SCML4: variants seen among roughly 807,000 people sequenced by gnomAD.
The protein encoded by SCML4 is sex comb on midleg-like protein 4.
A neutral mutation model predicts 41.1 loss-of-function variants in SCML4; 34 were observed. The observed-to-expected ratio is 0.83, with a 90% CI of 0.63 to 1.10. The LOEUF (loss-of-function observed/expected upper bound fraction) is 1.10. Among genes scored for constraint, SCML4 ranks in the 50% least tolerant of loss-of-function variants. SCML4 has a pLI of 0.00. For missense variants in SCML4, 522 were observed against 534.1 expected, an observed-to-expected ratio of 0.98 and a Z score of 0.22; for synonymous variants, 214 against 220.9, an observed-to-expected ratio of 0.97 and a Z score of 0.28.
intron 2 of SCML4, among the ~76,000 whole-genome samples, chr6:107,753,794 C>A (rs986267072): frequency 9.2e-5 from 14 of 152,048 alleles, no homozygotes; most frequent in African/African-American, 3.4e-4. Context: ...CATGAAAGGG[C>A]TTTGAGTAGG....
At chr6:107,756,240 T>C (rs931102384) in intron 2 of SCML4, among the ~76,000 whole-genome samples, 1 of 152,150 alleles carries the variant, frequency 6.6e-6, no homozygotes, top group Non-Finnish European at 1.5e-5. Flanking sequence ...TGGAGAAACC[T>C]GATAAATAAG....
intron 1 of SCML4, 42 bp from the exon 2 acceptor site, chr6:107,772,428 G>T: frequency 8.9e-7 from 1 of 1,127,866 alleles, no homozygotes; most frequent in Non-Finnish European, 1.2e-6. Context: ...AAAACAGAAG[G>T]GTTTGTTTGG....
chr6:107,717,143 CAAAAAAAAAAAAAAAAAA>C (rs546258538), intron 6 of SCML4, among the ~76,000 whole-genome samples: 1 of 63,536 alleles, frequency 1.6e-5, no homozygotes, highest in East Asian at 6.3e-4. Context: ...ACTAAAAATA[CAAAAAAAAAAAAAAAAAA>C]AAAAAAAAAA....
At chr6:107,831,839 G>T in the SCML4 span, among the ~76,000 whole-genome samples, 1 of 152,146 alleles carries the variant, frequency 6.6e-6, no homozygotes, top group East Asian at 1.9e-4. Flanking sequence ...GGATCACAAG[G>T]TCAGGAGATC....
intron 1 of SCML4, among the ~76,000 whole-genome samples, chr6:107,816,187 GC>G (rs1784541735): frequency 6.6e-6 from 1 of 152,184 alleles, no homozygotes; most frequent in Non-Finnish European, 1.5e-5. Flanking sequence ...AGTAAAAGTA[GC>G]CCCTCCTGTA....
chr6:107,804,998 A>AC (rs1006472240), intron 1 of SCML4, among the ~76,000 whole-genome samples: 1 of 152,104 alleles, frequency 6.6e-6, no homozygotes. Flanking sequence ...TGGCAGCCAG[A>AC]CCCCAAATGA....
intron 1 of SCML4, among the ~76,000 whole-genome samples, chr6:107,819,167 C>G (rs1784769027): frequency 6.6e-6 from 1 of 152,162 alleles, no homozygotes; most frequent in South Asian, 2.1e-4. Flanking sequence ...GGAACAGGCT[C>G]CCTTCTCTTT....
chr6:107,708,405 CTAAGA>C (rs1472628553), intron 6 of SCML4, among the ~76,000 whole-genome samples: 2 of 152,124 alleles, frequency 1.3e-5, no homozygotes, highest in African/African-American at 4.8e-5. Context: ...GGCAAGTGTG[CTAAGA>C]TGAGTGCCCA....
chr6:107,815,736 T>C (rs1172594849), intron 1 of SCML4, among the ~76,000 whole-genome samples: 4 of 152,234 alleles, frequency 2.6e-5, no homozygotes, highest in East Asian at 1.9e-4. Context: ...ATTTCAGTTA[T>C]GACATTATAT....
chr6:107,737,802 A>T (rs1777219475), intron 5 of SCML4, among the ~76,000 whole-genome samples: 1 of 152,208 alleles, frequency 6.6e-6, no homozygotes, highest in African/African-American at 2.4e-5. Flanking sequence ...AATGTACATT[A>T]TTTGGGTGAT....
chr6:107,814,209 T>C (rs1320963191), intron 1 of SCML4, among the ~76,000 whole-genome samples: 1 of 152,200 alleles, frequency 6.6e-6, no homozygotes, highest in Non-Finnish European at 1.5e-5. Flanking sequence ...TTCTTACGTA[T>C]TGAACAAGGA....
chr6:107,739,254 A>C (rs1055331955), intron 5 of SCML4, among the ~76,000 whole-genome samples: 2 of 152,108 alleles, frequency 1.3e-5, no homozygotes, highest in Non-Finnish European at 2.9e-5. Context: ...CTTAGATTTA[A>C]TTCAATCTAC....
intron 1 of SCML4, among the ~76,000 whole-genome samples, chr6:107,773,092 T>G (rs920398794): frequency 6.6e-6 from 1 of 152,142 alleles, no homozygotes; most frequent in African/African-American, 2.4e-5. Context: ...TTGAACAACA[T>G]GATGTTGAAT....
intron 1 of SCML4, among the ~76,000 whole-genome samples, chr6:107,785,880 G>A (rs2114603955): frequency 6.6e-6 from 1 of 152,258 alleles, no homozygotes; most frequent in East Asian, 1.9e-4. Context: ...GCCAAGGGAG[G>A]GGCAGAGCCT....
At chr6:107,782,656 G>A (rs183626490) in intron 1 of SCML4, among the ~76,000 whole-genome samples, 1 of 152,196 alleles carries the variant, frequency 6.6e-6, no homozygotes, top group Admixed American at 6.5e-5. Flanking sequence ...GTCTGAGTTT[G>A]CCTGATGGCA....
chr6:107,711,747 C>T lies in SCML4; in HGVS notation c.974-3736G>A, dbSNP rs993502676. Among the ~76,000 whole-genome samples, 9 of 152,248 alleles carry T rather than the reference C, an allele frequency of 5.9e-5. 1 individual carries two copies. In the South Asian group the frequency reaches 1.2e-3, roughly 21 times the overall value. Reference sequence around the variant, plus strand: ...AAAGACAAGGCTCTGAACAATGAAGCGGCTTTCCTACAGAAGAATTCTAGT... The same window carrying T: ...AAAGACAAGGCTCTGAACAATGAAGTGGCTTTCCTACAGAAGAATTCTAGT... On this transcript the variant is annotated intron_variant, in intron 6 of 7. Coordinates refer to ENST00000369020, the MANE Select transcript of SCML4 (RefSeq NM_198081.5).
chr6:107,802,417 C>G (rs968777977), intron 1 of SCML4, among the ~76,000 whole-genome samples: 4 of 151,864 alleles, frequency 2.6e-5, no homozygotes. Flanking sequence ...ACAGCAAGTG[C>G]AAAAGTCCTG....
intron 1 of SCML4, among the ~76,000 whole-genome samples, chr6:107,817,404 G>A (rs570545964): frequency 3.0e-4 from 45 of 152,154 alleles, no homozygotes; most frequent in African/African-American, 1.1e-3. Flanking sequence ...ATCACCTAAC[G>A]TCAGGAGCTT....
chr6:107,761,440 T>TA (rs1779580881), intron 2 of SCML4, among the ~76,000 whole-genome samples: 1 of 60,250 alleles, frequency 1.7e-5, no homozygotes, highest in Admixed American at 2.2e-4. Context: ...ATAATATCTT[T>TA]GGTTTTTTTT....
Sources: allele counts gnomAD v4.1 joint callset (sites outside exome capture counted in the v4.1 genomes callset), GRCh38; gene constraint gnomAD v4.1.1; transcripts MANE v1.5; gene names NCBI Gene and HGNC (gene_info 2026-07-23, HGNC 2026-07-21).